The following CENPK variants were observed in gnomAD, a reference collection of about 807,000 sequenced individuals.
CENPK encodes SoxLZ/Sox6-binding protein Solt.
In CENPK, 46 loss-of-function variants were observed where a neutral mutation model predicts 40.9. The ratio of observed to expected loss-of-function variants is 1.13; its 90% CI spans 0.89 to 1.44. CENPK has a LOEUF of 1.44. Among genes scored for constraint, CENPK ranks in the 40% most tolerant of loss-of-function variants. The pLI, the probability that CENPK is intolerant of heterozygous loss-of-function variation, is 0.00. For synonymous variants in CENPK, 107 were observed against 104.4 expected (o/e 1.02, Z -0.15); for missense variants, 288 against 303.5 (o/e 0.95, Z 0.38).
chr5:65,503,308 T>C, the CENPK span, among the ~76,000 whole-genome samples: 8 of 152,126 alleles, frequency 5.3e-5, no homozygotes, highest in African/African-American at 1.9e-4. Context: ...GGTTTTGCCA[T>C]GTTGGCCAGG....
chr5:65,515,395 G>T (rs914990678), downstream of CENPK, among the ~76,000 whole-genome samples: 2 of 151,704 alleles, frequency 1.3e-5, no homozygotes, highest in African/African-American at 4.8e-5. Flanking sequence ...TAGAGACGGG[G>T]TTTCACCACG....
intron 2 of CENPK, among the ~76,000 whole-genome samples, chr5:65,556,795 G>A (rs1751051238): frequency 6.6e-6 from 1 of 152,148 alleles, no homozygotes; most frequent in Non-Finnish European, 1.5e-5. Context: ...CTAGACAGGT[G>A]TTCCACTTTT....
At chr5:65,519,905 T>C (rs1310804472) in intron 10 of CENPK, among the ~76,000 whole-genome samples, 1 of 152,214 alleles carries the variant, frequency 6.6e-6, no homozygotes, top group East Asian at 1.9e-4. Flanking sequence ...CTAATTTTAA[T>C]CATATTGTTT....
chr5:65,554,699 T>C (rs1302325461), intron 3 of CENPK, 98 bp downstream of exon 3: 1 of 733,860 alleles, frequency 1.4e-6, no homozygotes, highest in Non-Finnish European at 2.4e-6. Flanking sequence ...CATAATGGCT[T>C]TTGGAAACTA....
At chr5:65,497,443 T>C in the CENPK span, among the ~76,000 whole-genome samples, 2 of 152,028 alleles carry the variant, frequency 1.3e-5, no homozygotes, top group African/African-American at 4.8e-5. Context: ...AACTACAATA[T>C]GGACAATCAC....
chr5:65,525,173 A>G (rs541677336), intron 9 of CENPK, among the ~76,000 whole-genome samples: 12 of 152,262 alleles, frequency 7.9e-5, no homozygotes, highest in African/African-American at 2.6e-4. Context: ...AGCCTGGCCA[A>G]TATGGTAAAA....
chr5:65,542,698 T>C, intron 6 of CENPK, 104 bp downstream of exon 6: 8 of 768,000 alleles, frequency 1.0e-5, no homozygotes, highest in South Asian at 2.2e-5. Context: ...AAATTTAATA[T>C]GGTTTTAGAG....
chr5:65,531,355 GGAAATTATTATAACTGAATA>G (rs1395478564), intron 6 of CENPK, among the ~76,000 whole-genome samples: 1 of 149,892 alleles, frequency 6.7e-6, no homozygotes, highest in African/African-American at 2.4e-5. Context: ...TATGAAAATA[GGAAATTATTATAACTGAATA>G]GAAATAAAAA....
At chr5:65,523,780 T>A (rs1013670998) in intron 9 of CENPK, among the ~76,000 whole-genome samples, 7 of 152,084 alleles carry the variant, frequency 4.6e-5, no homozygotes, top group Admixed American at 3.3e-4. Flanking sequence ...ATAACCAACA[T>A]TGTGAAATAT....
intron 9 of CENPK, among the ~76,000 whole-genome samples, chr5:65,523,407 C>T (rs999693735): frequency 6.6e-6 from 1 of 152,132 alleles, no homozygotes; most frequent in Admixed American, 6.5e-5. Context: ...TTCCTGATAC[C>T]AGTCAGAGAT....
intron 9 of CENPK, among the ~76,000 whole-genome samples, chr5:65,526,737 T>C (rs529710917): frequency 1.3e-5 from 2 of 152,102 alleles, no homozygotes; most frequent in Non-Finnish European, 1.5e-5. Flanking sequence ...GGCGGGAGGA[T>C]AGCTTCAACC....
At chr5:65,529,286 G>A in intron 6 of CENPK, 87 bp from the exon 7 acceptor site, 1 of 836,040 alleles carries the variant, frequency 1.2e-6, no homozygotes, top group Non-Finnish European at 1.9e-6. Flanking sequence ...AGTGGTCCAG[G>A]ATACTTCCAT....
chr5:65,507,395 A>T, the CENPK span, among the ~76,000 whole-genome samples: 1 of 152,222 alleles, frequency 6.6e-6, no homozygotes, highest in Non-Finnish European at 1.5e-5. Flanking sequence ...AGAAGAGTGG[A>T]TTACCCAAAC....
chr5:65,535,810 G>C (rs887115548), intron 6 of CENPK, among the ~76,000 whole-genome samples: 3 of 152,190 alleles, frequency 2.0e-5, no homozygotes, highest in Non-Finnish European at 2.9e-5. Context: ...GGCAGTCTTA[G>C]AGAAAACTCT....
At chr5:65,514,165 A>G (rs1259314972), downstream of CENPK, among the ~76,000 whole-genome samples, 1 of 140,546 alleles carries the variant, frequency 7.1e-6, no homozygotes, top group African/African-American at 2.7e-5. Context: ...ACTAGTCTGT[A>G]GTTGTCCTTT....
chr5:65,559,879 A>G (rs1751667456), intron 2 of CENPK, among the ~76,000 whole-genome samples: 1 of 152,014 alleles, frequency 6.6e-6, no homozygotes, highest in South Asian at 2.1e-4. Flanking sequence ...AATAATCCAA[A>G]TAGATATATA....
intron 9 of CENPK, among the ~76,000 whole-genome samples, chr5:65,528,231 ACT>A (rs1745082281): frequency 6.6e-6 from 1 of 151,882 alleles, no homozygotes. Flanking sequence ...ACAGAGAGAG[ACT>A]CTGTCCCCCC....
At position 65,541,265 on chromosome 5, in the gene CENPK, A is replaced by C; in HGVS notation, c.288+1537T>G. On this transcript the variant is annotated intron_variant, in intron 6 of 10. Transcript: ENST00000396679. ...CCCCTGATTTATAGCCAGTCAGAAT[A>C]CAGGCGACAATCCATTACTGGCAAC... 3 of 414,162 alleles carry C rather than the reference A, an allele frequency of 7.2e-6. No homozygotes were observed. The Admixed American group carries it at 7.4e-5, about 10-fold the overall frequency. 25.7% of individuals were successfully genotyped at this position (414,162 alleles called of 1,614,324 possible).
the CENPK span, among the ~76,000 whole-genome samples, chr5:65,508,555 C>A: frequency 6.6e-6 from 1 of 152,062 alleles, no homozygotes; most frequent in Non-Finnish European, 1.5e-5. Context: ...GAGGCTGAGG[C>A]GGGTGGATCA....
Sources: allele counts gnomAD v4.1 joint callset (sites outside exome capture counted in the v4.1 genomes callset), GRCh38; gene constraint gnomAD v4.1.1; transcripts MANE v1.5; gene names NCBI Gene and HGNC (gene_info 2026-07-23, HGNC 2026-07-21).